Variants in SAMD3 observed in about 807,000 individuals in gnomAD.
SAMD3 encodes sterile alpha motif domain containing 3.
SAMD3 carries 63 observed loss-of-function variants against 58.5 expected under a neutral mutation model. That is an observed-to-expected ratio of 1.08 (90% CI 0.88 to 1.33). The LOEUF is 1.33. Ranked by LOEUF, SAMD3 falls within the 40% of genes most tolerant of loss-of-function variation. The pLI is 0.00. For missense variants in SAMD3, 604 were observed against 608.4 expected (o/e 0.99, Z 0.08); for synonymous variants, 220 against 210.3 (o/e 1.05, Z -0.40).
chr6:130,269,962 C>T (rs555675769), intron 2 of SAMD3, among the ~76,000 whole-genome samples: 3 of 151,980 alleles, frequency 2.0e-5, no homozygotes, highest in Non-Finnish European at 4.4e-5. Flanking sequence ...AATTATCAAA[C>T]ATCTGAACAT....
chr6:130,233,334 G>C (rs535401669), intron 2 of SAMD3, among the ~76,000 whole-genome samples: 1 of 152,152 alleles, frequency 6.6e-6, no homozygotes, highest in Non-Finnish European at 1.5e-5. Flanking sequence ...CATGTGCCAC[G>C]GTGGTTTGCT....
chr6:130,166,894 C>T (rs1790780089), intron 8 of SAMD3, among the ~76,000 whole-genome samples: 4 of 152,318 alleles, frequency 2.6e-5, no homozygotes, highest in South Asian at 4.1e-4. Flanking sequence ...GGCAGGAATA[C>T]AGGGATCTGC....
At chr6:130,317,782 A>G (rs1000463616) in intron 1 of SAMD3, among the ~76,000 whole-genome samples, 9 of 152,222 alleles carry the variant, frequency 5.9e-5, no homozygotes, top group African/African-American at 2.2e-4. Context: ...AAGGACAGTG[A>G]TGCTGGAGAG....
At chr6:130,212,478 C>T (rs982577144) in intron 4 of SAMD3, among the ~76,000 whole-genome samples, 1 of 152,202 alleles carries the variant, frequency 6.6e-6, no homozygotes, top group African/African-American at 2.4e-5. Context: ...TCATACTTAA[C>T]ACAGGACTAT....
intron 2 of SAMD3, among the ~76,000 whole-genome samples, chr6:130,278,652 G>A (rs1466092311): frequency 6.6e-6 from 1 of 152,122 alleles, no homozygotes; most frequent in African/African-American, 2.4e-5. Flanking sequence ...TGGCACAGTG[G>A]AGGAAGGGTG....
chr6:130,148,726 G>A (rs1352954445), intron 9 of SAMD3, among the ~76,000 whole-genome samples: 1 of 152,064 alleles, frequency 6.6e-6, no homozygotes, highest in African/African-American at 2.4e-5. Flanking sequence ...ACAAAAATTT[G>A]CCAGGTATGG....
chr6:130,220,053 G>A (rs1796154354), intron 1 of SAMD3, among the ~76,000 whole-genome samples: 3 of 152,144 alleles, frequency 2.0e-5, no homozygotes. Flanking sequence ...CCAGACTGGA[G>A]TGCAGTGGCA....
At chr6:130,147,738 G>A (rs1293291509) in intron 9 of SAMD3, among the ~76,000 whole-genome samples, 3 of 152,070 alleles carry the variant, frequency 2.0e-5, no homozygotes, top group Non-Finnish European at 4.4e-5. Flanking sequence ...TTCTTAACAG[G>A]CCCAGGATCT....
chr6:130,308,378 C>CTATTCTATTCTATTCTATT (rs1562512900), intron 2 of SAMD3, among the ~76,000 whole-genome samples: 10 of 132,422 alleles, frequency 7.6e-5, no homozygotes, highest in African/African-American at 2.9e-4. Flanking sequence ...CTATTCTATT[C>CTATTCTATTCTATTCTATT]TATTCTATTC....
intron 5 of SAMD3, among the ~76,000 whole-genome samples, chr6:130,201,947 G>A (rs1335257297): frequency 1.3e-5 from 2 of 151,928 alleles, no homozygotes; most frequent in Admixed American, 6.6e-5. Context: ...GCAGGTACTC[G>A]CTTACATATC....
chr6:130,249,010 T>G (rs1016384181), intron 2 of SAMD3, among the ~76,000 whole-genome samples: 1 of 152,154 alleles, frequency 6.6e-6, no homozygotes, highest in Non-Finnish European at 1.5e-5. Context: ...AGAATAAAAT[T>G]TATCCATGAG....
In SAMD3 at chr6:130,287,837, C is replaced by T. The variant is rs373419634; in HGVS notation, c.-188+25141G>A. Among the ~76,000 whole-genome samples the T allele has an allele frequency of 6.6e-5, 10 of 151,594 alleles. No individual in the cohort carries two copies. The South Asian group carries it at 1.2e-3, about 19-fold the overall frequency. On this transcript the variant is annotated intron_variant, in intron 2 of 13. Transcript: ENST00000368134. ...TCACGCACCTGTAGTCCCAGCTCCT[C>T]GGGAGGTTGAGGCAGGAGAATCGCT... is the stretch of plus-strand genomic sequence containing the variant.
intron 8 of SAMD3, among the ~76,000 whole-genome samples, chr6:130,157,096 T>C (rs945194714): frequency 6.7e-6 from 1 of 149,242 alleles, no homozygotes; most frequent in African/African-American, 2.5e-5. Context: ...AATAAATAAA[T>C]AAATAAATAA....
chr6:130,149,418 T>C (rs1388599407), intron 9 of SAMD3, among the ~76,000 whole-genome samples: 1 of 152,206 alleles, frequency 6.6e-6, no homozygotes, highest in Admixed American at 6.5e-5. Flanking sequence ...TGCACACATA[T>C]ATTCATTGCA....
intron 2 of SAMD3, among the ~76,000 whole-genome samples, chr6:130,253,775 C>T (rs1027451863): frequency 6.6e-6 from 1 of 151,542 alleles, no homozygotes; most frequent in Non-Finnish European, 1.5e-5. Flanking sequence ...GGGGGTATAT[C>T]TTTGTACTAA....
intron 1 of SAMD3, among the ~76,000 whole-genome samples, chr6:130,362,872 T>C (rs994055263): frequency 1.3e-5 from 2 of 152,170 alleles, no homozygotes; most frequent in Non-Finnish European, 2.9e-5. Flanking sequence ...CAATTGCACA[T>C]AATGAGAAAG....
intron 1 of SAMD3, among the ~76,000 whole-genome samples, chr6:130,329,396 C>G (rs566081061): frequency 1.3e-5 from 2 of 152,080 alleles, no homozygotes; most frequent in Middle Eastern, 3.4e-3. Flanking sequence ...ATAAAAAGCA[C>G]CCAAAATGAG....
intron 2 of SAMD3, among the ~76,000 whole-genome samples, chr6:130,270,279 G>C (rs560004209): frequency 7.9e-5 from 12 of 152,296 alleles, no homozygotes; most frequent in African/African-American, 2.9e-4. Context: ...TTTTAGTAGA[G>C]ATGGGGTTTC....
chr6:130,300,716 T>C (rs188937471), intron 2 of SAMD3, among the ~76,000 whole-genome samples: 2 of 152,320 alleles, frequency 1.3e-5, no homozygotes, highest in Admixed American at 1.3e-4. Context: ...CATGATTCTA[T>C]ACCTAGAAAA....
Sources: gnomAD v4.1 joint callset for allele counts (sites outside exome capture counted in the v4.1 genomes callset) on GRCh38, gnomAD v4.1.1 for gene constraint, MANE v1.5 for transcripts, NCBI Gene and HGNC (gene_info 2026-07-23, HGNC 2026-07-21) for gene names.